The following UBXN2A variants were observed in gnomAD, a reference collection of about 807,000 sequenced individuals.
The protein encoded by UBXN2A is UBX domain-containing protein 2A.
UBXN2A carries 28 observed loss-of-function variants against 28.4 expected under a neutral mutation model. That is an observed-to-expected ratio of 0.99 (90% CI 0.73 to 1.35). The LOEUF (loss-of-function observed/expected upper bound fraction) is 1.35. Ranked by LOEUF, UBXN2A falls within the 40% of genes most tolerant of loss-of-function variation. The pLI is 0.00. For missense variants in UBXN2A, 253 were observed against 297.9 expected (o/e 0.85, Z 1.11); for synonymous variants, 97 against 103.6 (o/e 0.94, Z 0.39).
At chr2:23,961,672 C>T (rs1365660679) in intron 2 of UBXN2A, among the ~76,000 whole-genome samples, 3 of 148,826 alleles carry the variant, frequency 2.0e-5, no homozygotes, top group East Asian at 2.0e-4. Context: ...CTCAGCCTCC[C>T]GAGTAGCTGG....
chr2:23,942,053 C>T (rs998313052), intron 1 of UBXN2A, among the ~76,000 whole-genome samples: 1 of 152,104 alleles, frequency 6.6e-6, no homozygotes, highest in East Asian at 1.9e-4. Context: ...GCACTCCAGC[C>T]TGGGTGACAG....
At chr2:23,938,085 C>T (rs902544483), upstream of UBXN2A, among the ~76,000 whole-genome samples, 1 of 152,034 alleles carries the variant, frequency 6.6e-6, no homozygotes, top group Non-Finnish European at 1.5e-5. Flanking sequence ...TGTTATGTGG[C>T]GCACGACTAT....
upstream of UBXN2A, among the ~76,000 whole-genome samples, chr2:23,938,549 C>CA (rs1469769287): frequency 7.0e-6 from 1 of 142,720 alleles, no homozygotes; most frequent in Non-Finnish European, 1.5e-5. Context: ...AGTGGCCCCC[C>CA]CCTCCCTTTT....
At chr2:23,962,605 CT>C (rs1160440950) in intron 2 of UBXN2A, among the ~76,000 whole-genome samples, 136 of 130,662 alleles carry the variant, frequency 1.0e-3, no homozygotes, top group Middle Eastern at 8.7e-3. Context: ...TTTTTTTATT[CT>C]TTTTTTTTTT....
At chr2:23,956,616 G>T (rs1015317893) in intron 1 of UBXN2A, among the ~76,000 whole-genome samples, 3 of 152,162 alleles carry the variant, frequency 2.0e-5, no homozygotes, top group African/African-American at 7.2e-5. Flanking sequence ...GCCTCCCAAA[G>T]TGCTGGGATT....
intron 3 of UBXN2A, among the ~76,000 whole-genome samples, chr2:23,974,263 C>T (rs186072660): frequency 1.2e-4 from 18 of 149,594 alleles, no homozygotes; most frequent in Non-Finnish European, 1.9e-4. Context: ...GTGATCCGCC[C>T]GCCTCAGCCT....
intron 3 of UBXN2A, among the ~76,000 whole-genome samples, chr2:23,975,330 CAAAG>C (rs911816662): frequency 2.6e-5 from 4 of 152,062 alleles, no homozygotes; most frequent in African/African-American, 9.7e-5. Flanking sequence ...GAAGAAGTGT[CAAAG>C]AAGATTATCC....
intron 1 of UBXN2A, among the ~76,000 whole-genome samples, chr2:23,942,834 G>A (rs945752039): frequency 4.0e-5 from 6 of 151,780 alleles, no homozygotes; most frequent in Non-Finnish European, 7.4e-5. Context: ...GGAGAGAACA[G>A]TACAATGAAC....
At chr2:23,935,019 G>A (rs1403296953) in intron 1 of UBXN2A, among the ~76,000 whole-genome samples, 1 of 152,030 alleles carries the variant, frequency 6.6e-6, no homozygotes, top group Non-Finnish European at 1.5e-5. Context: ...AGGTTGCAGT[G>A]AGCCGAGATC....
At position 23,945,872 on chromosome 2, in the gene UBXN2A, C is replaced by T. The variant is rs185385626; in HGVS notation, c.-15+5224C>T. Among the ~76,000 whole-genome samples the T allele has an allele frequency of 2.0e-5, 3 of 150,200 alleles. No homozygotes were observed. In the East Asian group the frequency reaches 5.8e-4, roughly 29 times the overall value. ...ACAGGGTCTCACTCTGTCACCCAGGCTGAACTGGAGTACAGTGGCATGATC... is the reference window on the plus strand; with the variant it reads ...ACAGGGTCTCACTCTGTCACCCAGGTTGAACTGGAGTACAGTGGCATGATC... On this transcript the variant is annotated intron_variant, in intron 1 of 6. Coordinates refer to ENST00000309033, the MANE Select transcript of UBXN2A (RefSeq NM_181713.4).
rs149876155 is a variant in UBXN2A at position 23,944,807 on chromosome 2, T to C, written c.-15+4159T>C. On this transcript the variant is annotated intron_variant, in intron 1 of 6. Transcript: ENST00000309033. ...TGTTCATTGGTGAGAGCCAGGCCATTAACACCTACGCAGTGTTACTGAAAG... is the reference window on the plus strand; with the variant it reads ...TGTTCATTGGTGAGAGCCAGGCCATCAACACCTACGCAGTGTTACTGAAAG... Among the ~76,000 whole-genome samples the C allele has an allele frequency of 5.9e-3, 899 of 152,246 alleles. 10 individuals are homozygous for C. The highest frequency in any genetic ancestry group is 0.024 in the South Asian group (115 of 4,826).
chr2:23,975,568 GAAAGGCTTATGTTGAAA>G (rs767784604), intron 3 of UBXN2A, among the ~76,000 whole-genome samples: 39 of 152,266 alleles, frequency 2.6e-4, no homozygotes, highest in South Asian at 1.2e-3. Context: ...TATTAGTTGT[GAAAGGCTTATGTTGAAA>G]AAAGGCTTAT....
intron 6 of UBXN2A, among the ~76,000 whole-genome samples, chr2:23,995,167 T>G (rs1708481193): frequency 6.6e-6 from 1 of 152,198 alleles, no homozygotes; most frequent in Non-Finnish European, 1.5e-5. Flanking sequence ...TTCAGGATTT[T>G]GGCTTATAAA....
At chr2:23,944,388 A>G (rs554649142) in intron 1 of UBXN2A, 5 of 1,341,262 alleles carry the variant, frequency 3.7e-6, no homozygotes, top group Non-Finnish European at 3.2e-6. Flanking sequence ...CCTACACATT[A>G]TTGTATTCAC....
Position 24,004,138 on chromosome 2 carries a change from G to A in UBXN2A, c.*4271G>A, listed in dbSNP as rs1708761899. 1 of 152,130 alleles carries A rather than the reference G, an allele frequency of 6.6e-6. No individual in the cohort carries two copies. Among genetic ancestry groups the A allele is most frequent in the Non-Finnish European group, 1.5e-5 (1 of 68,032 alleles). The allele number at this position is 152,130 out of a possible 1,614,324, so 9.4% of individuals were successfully genotyped here. On this transcript the variant is annotated 3_prime_UTR_variant, in exon 7 of 7. Transcript: ENST00000309033. Reference sequence around the variant, plus strand: ...TATCCTCAAAGATTTTCTACAATGAGAATCATCCAGTAAAGCTTTTTAACT... The same window carrying A: ...TATCCTCAAAGATTTTCTACAATGAAAATCATCCAGTAAAGCTTTTTAACT...
At chr2:23,931,451 C>T (rs1705365612) in intron 1 of UBXN2A, among the ~76,000 whole-genome samples, 1 of 151,628 alleles carries the variant, frequency 6.6e-6, no homozygotes, top group South Asian at 2.1e-4. Context: ...GTCTCAGAAA[C>T]AAAAATAAGA....
chr2:23,979,587 G>A (rs917394060), intron 4 of UBXN2A, among the ~76,000 whole-genome samples: 18 of 152,072 alleles, frequency 1.2e-4, no homozygotes, highest in Non-Finnish European at 2.1e-4. Flanking sequence ...TGGCAACATA[G>A]AGTTTTTTGT....
At chr2:23,966,448 CT>C (rs1455141032) in intron 2 of UBXN2A, among the ~76,000 whole-genome samples, 1 of 131,532 alleles carries the variant, frequency 7.6e-6, no homozygotes, top group African/African-American at 2.8e-5. Context: ...TAGATATTTT[CT>C]TTTTTTCTTT....
At chr2:23,963,376 G>A (rs549469867) in intron 2 of UBXN2A, among the ~76,000 whole-genome samples, 9 of 151,574 alleles carry the variant, frequency 5.9e-5, no homozygotes, top group African/African-American at 1.7e-4. Context: ...GTAGCCAGGC[G>A]TGGTGGCACA....
Sources: allele counts gnomAD v4.1 joint callset (sites outside exome capture counted in the v4.1 genomes callset), GRCh38; gene constraint gnomAD v4.1.1; transcripts MANE v1.5; gene names NCBI Gene and HGNC (gene_info 2026-07-23, HGNC 2026-07-21).